The following PAK3 variants were observed in gnomAD, a reference collection of about 807,000 sequenced individuals.
PAK3 encodes the protein p21 (RAC1) activated kinase 3.
Under a neutral mutation model 41.0 loss-of-function variants are expected in PAK3, and 4 were observed. That is an observed-to-expected ratio of 0.10 (90% CI 0.05 to 0.22). The LOEUF is 0.22. Among genes scored for constraint, PAK3 ranks in the 10% least tolerant of loss-of-function variants. PAK3 has a pLI of 1.00. For missense variants in PAK3, 205 were observed against 409.9 expected (o/e 0.50, Z 4.32); for synonymous variants, 146 against 139.6 (o/e 1.05, Z -0.32).
intron 5 of PAK3, among the ~76,000 whole-genome samples, chrX:111,134,153 G>A (rs1210294600): frequency 9.0e-6 from 1 of 111,723 alleles, no homozygotes; most frequent in Non-Finnish European, 1.9e-5. Flanking sequence ...ATTTCATCTT[G>A]GGGGAGAATT....
intron 10 of PAK3, among the ~76,000 whole-genome samples, chrX:111,172,429 G>A (rs2094354708): frequency 1.8e-5 from 2 of 111,198 alleles, no homozygotes; most frequent in African/African-American, 3.3e-5. Context: ...CTGAGGCTTG[G>A]GACTCTAATG....
chrX:111,086,672 A>G (rs1349409660), intron 1 of PAK3, among the ~76,000 whole-genome samples: 2 of 111,634 alleles, frequency 1.8e-5, no homozygotes, highest in Admixed American at 9.5e-5. Flanking sequence ...GACTGTGCTC[A>G]AGTAGAAGTC....
chrX:111,173,717 C>A (rs752263365), intron 11 of PAK3, among the ~76,000 whole-genome samples: 63 of 111,350 alleles, frequency 5.7e-4, no homozygotes, highest in African/African-American at 2.0e-3. Context: ...CTCAGATAAT[C>A]CTGATAATCA....
chrX:111,171,084 A>G (rs997404848), intron 10 of PAK3, among the ~76,000 whole-genome samples: 6 of 111,031 alleles, frequency 5.4e-5, no homozygotes, highest in African/African-American at 9.8e-5. Context: ...GTGTAAGAGG[A>G]ACTAGAGAAA....
intron 1 of PAK3, among the ~76,000 whole-genome samples, chrX:111,019,312 T>G (rs1324846839): frequency 9.1e-6 from 1 of 110,340 alleles, no homozygotes; most frequent in Non-Finnish European, 1.9e-5. Flanking sequence ...TCCTACAGAA[T>G]GAGAGAAAGT....
intron 1 of PAK3, among the ~76,000 whole-genome samples, chrX:111,046,500 A>G (rs970517400): frequency 3.0e-4 from 34 of 111,861 alleles, no homozygotes; most frequent in African/African-American, 1.1e-3. Flanking sequence ...GAATGCTTAG[A>G]AAAGTATAAA....
At chrX:110,953,372 G>A (rs2090786473) in intron 1 of PAK3, among the ~76,000 whole-genome samples, 1 of 111,957 alleles carries the variant, frequency 8.9e-6, no homozygotes, top group Non-Finnish European at 1.9e-5. Flanking sequence ...TGAGGGCATC[G>A]TTAGGAATTG....
Position 111,117,729 on chromosome X carries a change from T to C in PAK3, c.-27-5348T>C, listed in dbSNP as rs138258910. Reference sequence around the variant, plus strand: ...TGTATAGAGTTCCATTTTGTTACTTTACACATGTATTTAATGCCTGTTGGT... The same window carrying C: ...TGTATAGAGTTCCATTTTGTTACTTCACACATGTATTTAATGCCTGTTGGT... On this transcript the variant is annotated intron_variant, in intron 4 of 17. Coordinates refer to ENST00000372007, the MANE Select transcript of PAK3 (RefSeq NM_002578.5). Among the ~76,000 whole-genome samples, 813 of 112,273 alleles carry C rather than the reference T, an allele frequency of 7.2e-3. 12 individuals are homozygous for C. Among genetic ancestry groups the C allele is most frequent in the African/African-American group, 0.025 (780 of 30,940 alleles).
rs766846862 is a variant in PAK3 at position 111,189,131 on chromosome X, G to A, written c.831-2996G>A. Among the ~76,000 whole-genome samples, 134 of 111,070 alleles carry A rather than the reference G, an allele frequency of 1.2e-3. 3 individuals carry two copies. The highest frequency in any genetic ancestry group is 5.1e-4 in the Non-Finnish European group (27 of 53,002). On this transcript the variant is annotated intron_variant, in intron 11 of 17. Transcript: ENST00000372007. ...ATTGTTGCCAGCTTTATGTTCATGC[G>A]TACCCAATGTTTAGCTCCAGCTTAG...
intron 1 of PAK3, among the ~76,000 whole-genome samples, chrX:110,955,848 A>C (rs2090845239): frequency 8.9e-6 from 1 of 112,104 alleles, no homozygotes; most frequent in Non-Finnish European, 1.9e-5. Context: ...AAGTGGTCCA[A>C]GATATATGAC....
chrX:110,969,303 T>A (rs1196534049), intron 1 of PAK3, among the ~76,000 whole-genome samples: 1 of 103,585 alleles, frequency 9.7e-6, no homozygotes, highest in East Asian at 3.1e-4. Context: ...TTTTTTTTTT[T>A]AATAGAGTCT....
intron 11 of PAK3, among the ~76,000 whole-genome samples, chrX:111,185,660 T>TC (rs1240056807): frequency 9.0e-6 from 1 of 111,368 alleles, no homozygotes; most frequent in African/African-American, 3.3e-5. Flanking sequence ...GGGAATCCTT[T>TC]CCCCATTGCT....
At chrX:111,164,342 G>A (rs1032139879) in intron 10 of PAK3, among the ~76,000 whole-genome samples, 8 of 111,126 alleles carry the variant, frequency 7.2e-5, no homozygotes, top group African/African-American at 2.6e-4. Context: ...TCAAAGGTTT[G>A]TAAAGCATAT....
At chrX:110,982,318 C>T (rs748343333) in intron 1 of PAK3, among the ~76,000 whole-genome samples, 13 of 112,074 alleles carry the variant, frequency 1.2e-4, no homozygotes, top group South Asian at 3.7e-4. Context: ...GGTTTAAATC[C>T]TGGCTTTGCT....
At chrX:111,035,105 C>CAAAA (rs533876214) in intron 1 of PAK3, among the ~76,000 whole-genome samples, 15 of 39,552 alleles carry the variant, frequency 3.8e-4, no homozygotes, top group African/African-American at 2.0e-3. Flanking sequence ...GACCCTGTCT[C>CAAAA]AAAAAAAAAA....
In PAK3 at chrX:111,209,725, TCTTAA is replaced by T. The variant is rs1320185267; in HGVS notation, c.1408-6690_1408-6686del. Among the ~76,000 whole-genome samples, 6 of 112,480 alleles carry T rather than the reference TCTTAA, an allele frequency of 5.3e-5. No homozygotes were observed. In the South Asian group the frequency reaches 1.5e-3, roughly 28 times the overall value. ...AAGTCCTCTGGTTTGTTTTCTAATTTCTTAACTTAAACTTTATAAACTGTTGTAAT... is the reference window on the plus strand; with the variant it reads ...AAGTCCTCTGGTTTGTTTTCTAATTTCTTAAACTTTATAAACTGTTGTAAT... On this transcript the variant is annotated intron_variant, in intron 16 of 17. Coordinates refer to ENST00000372007, the MANE Select transcript of PAK3 (RefSeq NM_002578.5).
At position 111,221,383 on chromosome X, in the gene PAK3, C is replaced by T. The variant is rs1203647079; in HGVS notation, c.*936C>T. 8.9e-6 allele frequency: 1 copy of T among 111,736 alleles called. No individual in the cohort carries two copies. The highest frequency in any genetic ancestry group is 3.3e-5 in the African/African-American group (1 of 30,755). The allele number at this position is 111,736 out of a possible 1,213,427, so 9.2% of individuals were successfully genotyped here. On this transcript the variant is annotated 3_prime_UTR_variant, in exon 18 of 18. Coordinates refer to ENST00000372007, the MANE Select transcript of PAK3 (RefSeq NM_002578.5). ...ACCTAGGAAATCCTCATAGGAGAAA[C>T]CACATTTAAACAAAGATGGGACTTT...
intron 11 of PAK3, among the ~76,000 whole-genome samples, chrX:111,189,690 T>C (rs1206041246): frequency 8.9e-6 from 1 of 112,093 alleles, no homozygotes; most frequent in Non-Finnish European, 1.9e-5. Flanking sequence ...GTGGAGCATT[T>C]TTTTCATATG....
At chrX:111,037,037 G>A (rs2092406414) in intron 1 of PAK3, among the ~76,000 whole-genome samples, 1 of 111,324 alleles carries the variant, frequency 9.0e-6, no homozygotes, top group Non-Finnish European at 1.9e-5. Context: ...CTCTGCCTCC[G>A]AGGTTCAAGT....
Sources: gnomAD v4.1 joint callset for allele counts (sites outside exome capture counted in the v4.1 genomes callset) on GRCh38, gnomAD v4.1.1 for gene constraint, MANE v1.5 for transcripts, NCBI Gene and HGNC (gene_info 2026-07-23, HGNC 2026-07-21) for gene names.